Variants in ZNF107 observed in about 807,000 individuals in gnomAD.
The protein encoded by ZNF107 is C2H2 type zinc-finger protein.
A neutral mutation model predicts 12.3 loss-of-function variants in ZNF107; 19 were observed. The observed-to-expected ratio is 1.55, with a 90% CI of 1.08 to 2.27. ZNF107 has a LOEUF of 2.27. Among genes scored for constraint, ZNF107 ranks in the 30% most tolerant of loss-of-function variants. ZNF107 has a pLI of 0.00. For missense variants in ZNF107, 958 were observed against 979.9 expected (o/e 0.98, Z 0.30); for synonymous variants, 317 against 330.5 (o/e 0.96, Z 0.44).
chr7:64,691,507 A>C, intron 2 of ZNF107, 133 bp downstream of exon 2: 1 of 857,082 alleles, frequency 1.2e-6, no homozygotes, highest in African/African-American at 1.8e-5. Flanking sequence ...AAAATCCTTG[A>C]GATTTCTTTG....
intron 3 of ZNF107, among the ~76,000 whole-genome samples, chr7:64,694,389 G>T (rs191266842): frequency 6.6e-6 from 1 of 152,146 alleles, no homozygotes; most frequent in Non-Finnish European, 1.5e-5. Flanking sequence ...ATAAGGACCC[G>T]CCTTCTGAAA....
intron 1 of ZNF107, among the ~76,000 whole-genome samples, chr7:64,688,191 C>T (rs573719959): frequency 5.1e-4 from 78 of 152,064 alleles, no homozygotes; most frequent in Non-Finnish European, 9.0e-4. Flanking sequence ...TCATGGGACC[C>T]AGAAACCCAG....
At chr7:64,672,033 G>A (rs1046653631) in intron 1 of ZNF107, among the ~76,000 whole-genome samples, 2 of 151,792 alleles carry the variant, frequency 1.3e-5, no homozygotes, top group Admixed American at 6.6e-5. Context: ...TGATCCACCC[G>A]CCTCGGCCTC....
Position 64,666,225 on chromosome 7 carries a change from A to G in ZNF107, c.-58A>G. 6.3e-7 allele frequency: 1 copy of G among 1,599,690 alleles called. No homozygotes were observed. The highest frequency in any genetic ancestry group is 1.1e-5 in the South Asian group (1 of 90,880). On this transcript the variant is annotated 5_prime_UTR_variant, in exon 1 of 4. Coordinates refer to ENST00000620827, the MANE Select transcript of ZNF107 (RefSeq NM_001282359.2). The stretch of plus-strand genomic sequence containing the variant: ...GAGGCCCAGCCTCTGTGTCCCTGTG[A>G]CCTGCAGATATTGGGAGATCCACAG...
At position 64,684,301 on chromosome 7, in the gene ZNF107, T is replaced by C. The variant is rs75788925; in HGVS notation, c.4-6947T>C. ...CCTCCAACAGGCTAGGAATGAAATCTGTCAGGCTGCTAACCTTCTTTTACC... is the reference window on the plus strand; with the variant it reads ...CCTCCAACAGGCTAGGAATGAAATCCGTCAGGCTGCTAACCTTCTTTTACC... On this transcript the variant is annotated intron_variant, in intron 1 of 3. Transcript: ENST00000620827. Among the ~76,000 whole-genome samples the C allele has an allele frequency of 5.2e-3, 797 of 152,296 alleles. 5 individuals carry two copies. Among genetic ancestry groups the C allele is most frequent in the Non-Finnish European group, 7.1e-3 (486 of 68,036 alleles).
chr7:64,687,071 A>T (rs1008292478), intron 1 of ZNF107: 1 of 985,346 alleles, frequency 1.0e-6, no homozygotes, highest in Non-Finnish European at 1.2e-6. Context: ...GTTCAATCAT[A>T]TCTAATCTGA....
rs533609352 is a variant in ZNF107, at chr7:64,708,469, G to A, written c.2372G>A (p.Cys791Tyr). The change falls in exon 4 of 4, where the codon TGT (cysteine) becomes TAT (tyrosine). Residue 791 changes from cysteine to tyrosine, a missense_variant. Cys to Tyr is a radical substitution (Grantham distance 194). Coordinates refer to ENST00000620827, the MANE Select transcript of ZNF107 (RefSeq NM_001282359.2). ...KIHTSEKPYKCEECGKSFNQF... is the reference protein window; with the variant it reads ...KIHTSEKPYKYEECGKSFNQF... ...CATACTTCAGAGAAACCCTACAAATGTGAAGAATGTGGCAAATCCTTTAAC... is the reference window on the plus strand; with the variant it reads ...CATACTTCAGAGAAACCCTACAAATATGAAGAATGTGGCAAATCCTTTAAC... 232 of 1,612,898 alleles carry A rather than the reference G, an allele frequency of 1.4e-4. 4 individuals carry two copies. The South Asian group carries it at 2.5e-3, about 17-fold the overall frequency.
intron 1 of ZNF107, among the ~76,000 whole-genome samples, chr7:64,672,143 C>G (rs572010856): frequency 6.6e-6 from 1 of 152,144 alleles, no homozygotes. Context: ...TTGTTCCCCT[C>G]TTTGTGTCCA....
chr7:64,681,129 TCTC>T (rs1355045384), intron 1 of ZNF107, among the ~76,000 whole-genome samples: 6 of 152,168 alleles, frequency 3.9e-5, no homozygotes, highest in African/African-American at 1.2e-4. Context: ...CCTTCTCTGA[TCTC>T]CTCGGCTTGG....
chr7:64,700,566 G>GGAGTGCAGTGGCATAGGC (rs1480254640), intron 3 of ZNF107, among the ~76,000 whole-genome samples: 4 of 992 alleles, frequency 4.0e-3, no homozygotes, highest in Non-Finnish European at 7.1e-3. Flanking sequence ...TGCCCAGGCT[G>GGAGTGCAGTGGCATAGGC]TGGAGTGCAG....
intron 1 of ZNF107, among the ~76,000 whole-genome samples, chr7:64,672,549 G>A (rs930239974): frequency 6.6e-6 from 1 of 152,050 alleles, no homozygotes; most frequent in Non-Finnish European, 1.5e-5. Flanking sequence ...TTTTTGTAAA[G>A]ACGTGGTTCT....
intron 1 of ZNF107, among the ~76,000 whole-genome samples, chr7:64,681,575 A>G (rs540772234): frequency 6.6e-6 from 1 of 151,896 alleles, no homozygotes; most frequent in East Asian, 2.0e-4. Context: ...GGTCTGGGAT[A>G]TCATCTCTCC....
At chr7:64,673,107 G>C (rs1043204338) in intron 1 of ZNF107, among the ~76,000 whole-genome samples, 1 of 152,148 alleles carries the variant, frequency 6.6e-6, no homozygotes, top group African/African-American at 2.4e-5. Context: ...GCAGTGGCAC[G>C]ATCTTGGCTC....
Position 64,684,537 on chromosome 7 carries a change from T to C in ZNF107, c.4-6711T>C, listed in dbSNP as rs146346734. On this transcript the variant is annotated intron_variant, in intron 1 of 3. Coordinates refer to ENST00000620827, the MANE Select transcript of ZNF107 (RefSeq NM_001282359.2). Reference sequence around the variant, plus strand: ...CATCTGACACTCAGCCTGACCCTTCTTCCTCCTCTTGGAAGTCGCAAGTAC... The same window carrying C: ...CATCTGACACTCAGCCTGACCCTTCCTCCTCCTCTTGGAAGTCGCAAGTAC... 9.2e-5 allele frequency: 90 copies of C among 977,248 alleles called. 1 individual carries two copies. The East Asian group carries it at 8.8e-3, about 96-fold the overall frequency. 60.5% of individuals were successfully genotyped at this position (977,248 alleles called of 1,614,324 possible).
rs762157945 is a variant in ZNF107 at position 64,683,387 on chromosome 7, GC to G, written c.4-7858del. ...AACAGACCCTATCACTAAAGGAAAT[GC>G]CCATGCCAGTAAAACAGCAAAAGAG... On this transcript the variant is annotated intron_variant, in intron 1 of 3. Transcript: ENST00000620827. Among the ~76,000 whole-genome samples the G allele has an allele frequency of 3.8e-4, 58 of 152,174 alleles. 1 individual carries two copies. The highest frequency in any genetic ancestry group is 1.3e-4 in the Admixed American group (2 of 15,280).
chr7:64,694,663 G>T (rs1790227710), intron 3 of ZNF107, among the ~76,000 whole-genome samples: 1 of 151,908 alleles, frequency 6.6e-6, no homozygotes. Flanking sequence ...CATGATGCCT[G>T]GCTCTCTCAT....
chr7:64,690,056 A>G (rs1790063244), intron 1 of ZNF107: 2 of 152,216 alleles, frequency 1.3e-5, no homozygotes, highest in South Asian at 4.1e-4. Context: ...TAGCAACTGA[A>G]TACGTGGTTG....
chr7:64,709,692 A>G lies in ZNF107; in HGVS notation c.*1036A>G. The G allele has an allele frequency of 2.2e-6, 1 of 455,742 alleles. No homozygotes were observed. Among genetic ancestry groups the G allele is most frequent in the Non-Finnish European group, 4.4e-6 (1 of 226,738 alleles). 28.2% of individuals were successfully genotyped at this position (455,742 alleles called of 1,614,324 possible). On this transcript the variant is annotated 3_prime_UTR_variant, in exon 4 of 4. Coordinates refer to ENST00000620827, the MANE Select transcript of ZNF107 (RefSeq NM_001282359.2). Reference sequence around the variant, plus strand: ...AGGAAAGCATTTATACTTCAGAAAGATTGTACAAATACAAGGAATGTGGAA... The same window carrying G: ...AGGAAAGCATTTATACTTCAGAAAGGTTGTACAAATACAAGGAATGTGGAA...
rs113699209 is a variant in ZNF107 at position 64,706,447 on chromosome 7, G to A, written c.350G>A (p.Cys117Tyr). 73 of 1,613,728 alleles carry A rather than the reference G, an allele frequency of 4.5e-5. No individual in the cohort carries two copies. The African/African-American group carries it at 9.1e-4, about 20-fold the overall frequency. The stretch of plus-strand genomic sequence containing the variant: ...GAGAATTTACAGTTAAGAAAAGGCT[G>A]TAAACATGTGGATGAGTGTACGGGG... ...EYENLQLRKG[C>Y]KHVDECTGHK... Residue 117 changes from cysteine (C) to tyrosine (Y), a missense_variant, in exon 4 of 4, where the codon TGT (cysteine) becomes TAT (tyrosine). Transcript: ENST00000620827.
Sources: allele counts gnomAD v4.1 joint callset (sites outside exome capture counted in the v4.1 genomes callset), GRCh38; gene constraint gnomAD v4.1.1; transcripts MANE v1.5; gene names NCBI Gene and HGNC (gene_info 2026-07-23, HGNC 2026-07-21).